Variants in ADAMTS12 observed in about 807,000 individuals in gnomAD.
The protein encoded by ADAMTS12 is ADAM metallopeptidase with thrombospondin type 1 motif 12.
Under a neutral mutation model 167.8 loss-of-function variants are expected in ADAMTS12, and 118 were observed. The ratio of observed to expected loss-of-function variants is 0.70; its 90% CI spans 0.61 to 0.82. The LOEUF is 0.82. Among genes scored for constraint, ADAMTS12 ranks in the 40% least tolerant of loss-of-function variants. The probability of loss-of-function intolerance (pLI) is 0.00; values close to 1 mark genes in which losing one functional copy is unlikely to be tolerated. For synonymous variants in ADAMTS12, 704 were observed against 716.9 expected (o/e 0.98, Z 0.29); for missense variants, 1,916 against 1,998.8 (o/e 0.96, Z 0.79).
At chr5:33,849,362 TAGCAATATATATATGTATTGCAC>T (rs1749104748) in intron 2 of ADAMTS12, among the ~76,000 whole-genome samples, 8 of 136,400 alleles carry the variant, frequency 5.9e-5, no homozygotes, top group African/African-American at 2.4e-4. Context: ...ATGTATTGAA[TAGCAATATATATATGTATTGCAC>T]AGCAATATAT....
chr5:33,643,536 G>A (rs1740548129), intron 9 of ADAMTS12, 66 bp from the exon 10 acceptor site: 2 of 1,413,536 alleles, frequency 1.4e-6, no homozygotes, highest in Non-Finnish European at 2.0e-6. Flanking sequence ...TATAGTTACA[G>A]TAAAATATGC....
intron 16 of ADAMTS12, among the ~76,000 whole-genome samples, chr5:33,609,115 G>A (rs2112077401): frequency 6.6e-6 from 1 of 152,172 alleles, no homozygotes; most frequent in African/African-American, 2.4e-5. Context: ...CAACAAGGAG[G>A]GGTTGTCATA....
At chr5:33,761,559 G>T (rs181761904) in intron 2 of ADAMTS12, among the ~76,000 whole-genome samples, 4 of 152,292 alleles carry the variant, frequency 2.6e-5, no homozygotes, top group African/African-American at 9.6e-5. Context: ...AGACATAAAT[G>T]AGGACATTAA....
At chr5:33,534,608 AAAT>A (rs970775473) in intron 23 of ADAMTS12, among the ~76,000 whole-genome samples, 12 of 152,306 alleles carry the variant, frequency 7.9e-5, no homozygotes, top group African/African-American at 2.6e-4. Context: ...GATACTCAAT[AAAT>A]AATAATAATA....
chr5:33,651,484 T>C (rs1350979107), intron 7 of ADAMTS12, among the ~76,000 whole-genome samples: 1 of 152,210 alleles, frequency 6.6e-6, no homozygotes, highest in Non-Finnish European at 1.5e-5. Flanking sequence ...TAAACTATGA[T>C]GGGTGTCTTC....
chr5:33,658,043 A>T, intron 7 of ADAMTS12, 141 bp downstream of exon 7: 1 of 1,039,078 alleles, frequency 9.6e-7, no homozygotes, highest in Non-Finnish European at 1.4e-6. Flanking sequence ...ATGAAAGCAG[A>T]GGTTGAGGAG....
At chr5:33,889,189 C>T (rs1750755479) in intron 1 of ADAMTS12, among the ~76,000 whole-genome samples, 1 of 152,082 alleles carries the variant, frequency 6.6e-6, no homozygotes, top group African/African-American at 2.4e-5. Context: ...TGGCTCATTC[C>T]TGTAATCGCA....
At chr5:33,570,976 A>T (rs1318144361) in intron 19 of ADAMTS12, among the ~76,000 whole-genome samples, 60 of 151,628 alleles carry the variant, frequency 4.0e-4, no homozygotes, top group Non-Finnish European at 6.0e-4. Flanking sequence ...CTTTAAACCA[A>T]CAAAGATCAA....
chr5:33,629,883 C>T (rs1739841154), intron 13 of ADAMTS12, among the ~76,000 whole-genome samples: 1 of 152,090 alleles, frequency 6.6e-6, no homozygotes, highest in African/African-American at 2.4e-5. Flanking sequence ...CCCAAATAAG[C>T]TTCATTTTCT....
chr5:33,756,724 T>C (rs1020558801), intron 2 of ADAMTS12, among the ~76,000 whole-genome samples: 5 of 152,172 alleles, frequency 3.3e-5, no homozygotes, highest in Non-Finnish European at 7.3e-5. Context: ...TAGTAACTCA[T>C]GTGGTTTCAG....
intron 2 of ADAMTS12, among the ~76,000 whole-genome samples, chr5:33,850,726 G>T (rs867776922): frequency 2.0e-5 from 3 of 152,114 alleles, no homozygotes; most frequent in Non-Finnish European, 2.9e-5. Flanking sequence ...AGATTCAAAG[G>T]TCAAAGAGAG....
At chr5:33,568,280 A>C (rs1179711858) in intron 19 of ADAMTS12, among the ~76,000 whole-genome samples, 1 of 152,218 alleles carries the variant, frequency 6.6e-6, no homozygotes, top group South Asian at 2.1e-4. Flanking sequence ...AAATGTGATA[A>C]CTCATTTTAG....
chr5:33,658,303 G>A lies in ADAMTS12; in HGVS notation c.1071C>T (p.Pro357=). 6.2e-7 allele frequency: 1 copy of A among 1,613,662 alleles called. No homozygotes were observed. ...GGTGAGACAGGCCCAGGGTCTCGCA[G>A]GGGCGATTGAAACCAGCACAGATGT... The part of the protein sequence containing the change: ...RKDICAGFNR[P]CETLGLSHLS... Residue 357 remains proline (P), a synonymous_variant, in exon 7 of 24, where the codon CCC becomes CCT. Coordinates refer to ENST00000504830, the MANE Select transcript of ADAMTS12 (RefSeq NM_030955.4).
chr5:33,886,453 A>T lies in ADAMTS12; in HGVS notation c.128-4973T>A, dbSNP rs1750641493. Among the ~76,000 whole-genome samples, 3 of 152,352 alleles carry T rather than the reference A, an allele frequency of 2.0e-5. 1 individual carries two copies. In the South Asian group the frequency reaches 6.2e-4, roughly 32 times the overall value. Reference sequence around the variant, plus strand: ...AAGTCACTATGCCACGTTATATAACATTCCTTGGATTGAAACGCTGTGCCT... The same window carrying T: ...AAGTCACTATGCCACGTTATATAACTTTCCTTGGATTGAAACGCTGTGCCT... On this transcript the variant is annotated intron_variant, in intron 1 of 23. Coordinates refer to ENST00000504830, the MANE Select transcript of ADAMTS12 (RefSeq NM_030955.4).
At position 33,676,707 on chromosome 5, in the gene ADAMTS12, C is replaced by CACACAG. The variant is rs879440613; in HGVS notation, c.915+6310_915+6311insCTGTGT. On this transcript the variant is annotated intron_variant, in intron 5 of 23. Coordinates refer to ENST00000504830, the MANE Select transcript of ADAMTS12 (RefSeq NM_030955.4). ...TTACACACACACACACACACACACA[C>CACACAG]AGAGAGAGAGAGAGAGAGAGAGAAT... Among the ~76,000 whole-genome samples the CACACAG allele has an allele frequency of 2.5e-3, 377 of 149,104 alleles. 1 individual carries two copies. The highest frequency in any genetic ancestry group is 5.7e-3 in the East Asian group (29 of 5,110).
At chr5:33,769,187 A>C (rs76866865) in intron 2 of ADAMTS12, among the ~76,000 whole-genome samples, 2,302 of 152,050 alleles carry the variant, frequency 0.015, 88 homozygotes, top group East Asian at 0.14. Context: ...CAAGAGTGTC[A>C]CCTTGGAAAC....
intron 1 of ADAMTS12, among the ~76,000 whole-genome samples, chr5:33,889,876 C>A (rs56138969): frequency 0.021 from 3,245 of 152,154 alleles, 111 homozygotes; most frequent in African/African-American, 0.074. Context: ...CACTTGAACC[C>A]GGGAGGCAGA....
intron 1 of ADAMTS12, among the ~76,000 whole-genome samples, chr5:33,887,526 A>C (rs1407156486): frequency 1.3e-5 from 2 of 152,212 alleles, no homozygotes; most frequent in African/African-American, 4.8e-5. Context: ...GTTTGTAGAA[A>C]TATTATAAGC....
intron 3 of ADAMTS12, among the ~76,000 whole-genome samples, chr5:33,700,708 T>C (rs537076302): frequency 6.6e-6 from 1 of 152,270 alleles, no homozygotes; most frequent in East Asian, 1.9e-4. Flanking sequence ...GAAATCTGAA[T>C]AAGATCAGTG....
Sources: gnomAD v4.1 joint callset for allele counts (sites outside exome capture counted in the v4.1 genomes callset) on GRCh38, gnomAD v4.1.1 for gene constraint, MANE v1.5 for transcripts, NCBI Gene and HGNC (gene_info 2026-07-23, HGNC 2026-07-21) for gene names.